The following CDH22 variants were observed in gnomAD, a reference collection of about 807,000 sequenced individuals.
CDH22 encodes the protein cadherin-22.
Under a neutral mutation model 58.4 loss-of-function variants are expected in CDH22, and 30 were observed. That is an observed-to-expected ratio of 0.51 (90% CI 0.38 to 0.70). CDH22 has a LOEUF of 0.70. Ranked by LOEUF, CDH22 falls within the 30% of genes least tolerant of loss-of-function variation. The probability of loss-of-function intolerance (pLI) is 0.00; values close to 1 mark genes in which losing one functional copy is unlikely to be tolerated. For missense variants in CDH22, 1,014 were observed against 1,233.9 expected, an observed-to-expected ratio of 0.82 and a Z score of 2.67; for synonymous variants, 513 against 558.2, an observed-to-expected ratio of 0.92 and a Z score of 1.14.
intron 3 of CDH22, among the ~76,000 whole-genome samples, chr20:46,232,811 C>G (rs917660573): frequency 5.3e-5 from 8 of 152,216 alleles, no homozygotes; most frequent in Non-Finnish European, 1.2e-4. Context: ...TGCCAGCTGG[C>G]TGGGCTGGCC....
At chr20:46,286,664 A>C (rs1172191570) in intron 1 of CDH22, among the ~76,000 whole-genome samples, 10 of 152,158 alleles carry the variant, frequency 6.6e-5, no homozygotes, top group Non-Finnish European at 1.5e-4. Flanking sequence ...GCCCAGCCAC[A>C]TGCAGAATGC....
In CDH22 at chr20:46,210,364, C is replaced by T; in HGVS notation, c.1229G>A (p.Gly410Asp). 6.8e-7 allele frequency: 1 copy of T among 1,474,492 alleles called. No homozygotes were observed. Among genetic ancestry groups the T allele is most frequent in the Non-Finnish European group, 9.0e-7 (1 of 1,116,186 alleles). 91.3% of individuals were successfully genotyped at this position (1,474,492 alleles called of 1,614,324 possible). ...CGCCGTCACCACGCCGACCAGGGAG[C>T]CCACCTGCGCGTCCTCCTGCACCTC... ...LLEVQEDAQVGSLVGVVTARD... is the reference protein window; with the variant it reads ...LLEVQEDAQVDSLVGVVTARD... Residue 410 changes from glycine (G) to aspartate (D), a missense_variant, in exon 7 of 12, where the codon GGC becomes GAC. Gly to Asp is a moderately conservative substitution (Grantham distance 94, BLOSUM62 -1). Around this residue, in one of 2 missense-constraint regions of CDH22, gnomAD observed 806 missense variants for 1,038.7 expected, o/e 0.78. Transcript: ENST00000537909. This position sits in a 1 kb window ranked among gnomAD's most constrained non-coding sequence, Gnocchi z 4.5.
At chr20:46,220,168 G>A (rs998515584) in intron 4 of CDH22, among the ~76,000 whole-genome samples, 1 of 151,702 alleles carries the variant, frequency 6.6e-6, no homozygotes, top group Non-Finnish European at 1.5e-5. Context: ...GAGACTGAAA[G>A]GGACAGAAAA....
chr20:46,207,849 T>C (rs1295762412), intron 7 of CDH22, among the ~76,000 whole-genome samples: 3 of 152,222 alleles, frequency 2.0e-5, no homozygotes, highest in Non-Finnish European at 4.4e-5. Flanking sequence ...GGTCAATTCC[T>C]GCCTCCTTCA....
At chr20:46,286,613 C>T (rs963600016) in intron 1 of CDH22, among the ~76,000 whole-genome samples, 1 of 152,164 alleles carries the variant, frequency 6.6e-6, no homozygotes, top group Non-Finnish European at 1.5e-5. Context: ...CCCGAGTCTA[C>T]CAGTCAGAAT....
chr20:46,235,417 T>C (rs544502695), intron 3 of CDH22, among the ~76,000 whole-genome samples: 2 of 152,360 alleles, frequency 1.3e-5, no homozygotes, highest in East Asian at 3.9e-4. Context: ...TCCCTCTCTC[T>C]GCTGCTGACT....
intron 1 of CDH22, among the ~76,000 whole-genome samples, chr20:46,274,879 TG>T (rs1568680868): frequency 1.3e-5 from 2 of 149,212 alleles, no homozygotes; most frequent in African/African-American, 4.9e-5. Flanking sequence ...TTATAGGAAA[TG>T]TCCCGAATAG....
intron 7 of CDH22, among the ~76,000 whole-genome samples, chr20:46,204,736 G>GGTAC (rs1054703173): frequency 1.3e-5 from 2 of 152,142 alleles, no homozygotes; most frequent in Admixed American, 6.5e-5. Flanking sequence ...GAGCCAGCCA[G>GGTAC]GTACACCTGC....
At chr20:46,181,752 C>CTTCGTTCGTTCTTTCT in intron 10 of CDH22, among the ~76,000 whole-genome samples, 1 of 26,272 alleles carries the variant, frequency 3.8e-5, no homozygotes, top group Non-Finnish European at 8.3e-5. Context: ...TCCTTCCTTC[C>CTTCGTTCGTTCTTTCT]TTCTTTCTTT....
intron 3 of CDH22, among the ~76,000 whole-genome samples, chr20:46,230,903 A>C (rs2086216315): frequency 1.3e-5 from 2 of 152,216 alleles, no homozygotes; most frequent in Non-Finnish European, 2.9e-5. Context: ...GCAGGTTTCA[A>C]ACCCACGTGG....
intron 1 of CDH22, among the ~76,000 whole-genome samples, chr20:46,276,552 C>T (rs891537706): frequency 5.3e-5 from 8 of 152,182 alleles, no homozygotes; most frequent in East Asian, 1.9e-4. Context: ...AAGGGCTACC[C>T]GAGCACCTTC....
chr20:46,246,360 A>G (rs1252003847), intron 2 of CDH22, among the ~76,000 whole-genome samples: 1 of 152,230 alleles, frequency 6.6e-6, no homozygotes, highest in Non-Finnish European at 1.5e-5. Flanking sequence ...ATCCTGCCGT[A>G]TATCTAAAAT....
chr20:46,200,051 G>A (rs1400361748), intron 7 of CDH22, among the ~76,000 whole-genome samples: 1 of 151,992 alleles, frequency 6.6e-6, no homozygotes, highest in Non-Finnish European at 1.5e-5. Context: ...TTGGCTCACT[G>A]CAAGCTCCGC....
At chr20:46,306,199 G>GCGGCTCTGTTTTGCC (rs1477064630) in intron 1 of CDH22, among the ~76,000 whole-genome samples, 1 of 152,262 alleles carries the variant, frequency 6.6e-6, no homozygotes, top group African/African-American at 2.4e-5. Context: ...GCAGCGTGAA[G>GCGGCTCTGTTTTGCC]CCAAGAAACG....
chr20:46,177,925 G>T, intron 11 of CDH22, 21 bp downstream of exon 11: 1 of 1,611,518 alleles, frequency 6.2e-7, no homozygotes, highest in Non-Finnish European at 8.5e-7. Flanking sequence ...GGCAGGGCTG[G>T]GTGGCTCTCG....
intron 3 of CDH22, among the ~76,000 whole-genome samples, chr20:46,239,239 TTGAA>T: frequency 6.6e-6 from 1 of 152,338 alleles, no homozygotes; most frequent in Non-Finnish European, 1.5e-5. Context: ...TAAATATTTG[TTGAA>T]TGAATGAATA....
At chr20:46,298,919 C>T (rs1410909450) in intron 1 of CDH22, among the ~76,000 whole-genome samples, 4 of 152,136 alleles carry the variant, frequency 2.6e-5, no homozygotes, top group African/African-American at 9.7e-5. Flanking sequence ...CTCCCTGGCC[C>T]CTGTTCTCTA....
intron 4 of CDH22, among the ~76,000 whole-genome samples, chr20:46,218,482 G>T (rs2086101459): frequency 6.6e-6 from 1 of 152,186 alleles, no homozygotes; most frequent in African/African-American, 2.4e-5. Flanking sequence ...TCACTATGCT[G>T]TCACACTCAC....
At chr20:46,197,503 G>A (rs772782822) in intron 8 of CDH22, among the ~76,000 whole-genome samples, 1 of 152,164 alleles carries the variant, frequency 6.6e-6, no homozygotes, top group African/African-American at 2.4e-5. Context: ...ACACTGGGCC[G>A]GTGATAGGCT....
Sources: allele counts gnomAD v4.1 joint callset (sites outside exome capture counted in the v4.1 genomes callset), GRCh38; gene constraint gnomAD v4.1.1; regional missense constraint gnomAD v4.1.1; non-coding constraint Gnocchi (gnomAD v3.1); transcripts MANE v1.5; gene names NCBI Gene and HGNC (gene_info 2026-07-23, HGNC 2026-07-21).